PPP2R1A: variants seen among roughly 807,000 people sequenced by gnomAD.
PPP2R1A encodes serine/threonine-protein phosphatase 2A 65 kDa regulatory subunit A alpha isoform.
Under a neutral mutation model 67.1 loss-of-function variants are expected in PPP2R1A, and 15 were observed. The ratio of observed to expected loss-of-function variants is 0.22; its 90% CI spans 0.15 to 0.34. The LOEUF (loss-of-function observed/expected upper bound fraction) is 0.34, where lower values mean the gene tolerates loss of function less well. Ranked by LOEUF, PPP2R1A falls within the 10% of genes least tolerant of loss-of-function variation. PPP2R1A has a pLI of 1.00. For missense variants in PPP2R1A, 369 were observed against 775.0 expected, an observed-to-expected ratio of 0.48 and a Z score of 6.22; for synonymous variants, 337 against 325.0, an observed-to-expected ratio of 1.04 and a Z score of -0.40.
intron 2 of PPP2R1A, among the ~76,000 whole-genome samples, chr19:52,205,692 C>T (rs980374310): frequency 3.3e-5 from 5 of 152,168 alleles, no homozygotes; most frequent in African/African-American, 9.7e-5. Context: ...ATTTTACAGA[C>T]GCAGAAGCTG....
In PPP2R1A at chr19:52,190,307, T is replaced by G. The variant is rs770503253; in HGVS notation, c.78+133T>G. 1.1e-5 allele frequency: 12 copies of G among 1,080,164 alleles called. No homozygotes were observed. In the South Asian group the frequency reaches 1.8e-4, roughly 16 times the overall value. 66.9% of individuals were successfully genotyped at this position (1,080,164 alleles called of 1,614,324 possible). A position where few individuals can be genotyped will look rare whatever the true frequency, so the allele number is the denominator to read the frequency against. On this transcript the variant is annotated intron_variant, in intron 1 of 14. Transcript: ENST00000322088. ...ACGGCCAATCAGCGTGCGTCTCTTA[T>G]CTCCCCGGTTGCCCGGACTCCTTGA...
intron 9 of PPP2R1A, among the ~76,000 whole-genome samples, chr19:52,218,433 T>C (rs1284182827): frequency 6.6e-6 from 1 of 151,974 alleles, no homozygotes; most frequent in African/African-American, 2.4e-5. Flanking sequence ...ATTTTTAATA[T>C]TTTTTTGTTC....
At chr19:52,204,329 A>G (rs968192012) in intron 2 of PPP2R1A, among the ~76,000 whole-genome samples, 10 of 151,926 alleles carry the variant, frequency 6.6e-5, no homozygotes, top group African/African-American at 2.2e-4. Flanking sequence ...TTTACACCTG[A>G]AAGAGTCACT....
At chr19:52,190,409 T>C (rs1364079926) in intron 1 of PPP2R1A, 2 of 575,880 alleles carry the variant, frequency 3.5e-6, no homozygotes, top group Admixed American at 3.3e-5. Flanking sequence ...GGGCCTGCCC[T>C]GTGCGCGCGG....
At chr19:52,202,576 C>T (rs1053595675) in intron 2 of PPP2R1A, among the ~76,000 whole-genome samples, 1 of 152,086 alleles carries the variant, frequency 6.6e-6, no homozygotes, top group African/African-American at 2.4e-5. Context: ...TACTGCTGTC[C>T]CCATGTTATA....
chr19:52,206,358 G>A (rs1314114574), intron 3 of PPP2R1A, among the ~76,000 whole-genome samples: 1 of 152,158 alleles, frequency 6.6e-6, no homozygotes, highest in Non-Finnish European at 1.5e-5. Flanking sequence ...CTGCTTATTT[G>A]CTGTGTGACT....
At chr19:52,224,398 C>T (rs986064168) in intron 13 of PPP2R1A, among the ~76,000 whole-genome samples, 2 of 152,222 alleles carry the variant, frequency 1.3e-5, no homozygotes, top group Non-Finnish European at 2.9e-5. Flanking sequence ...GGAACTTCCC[C>T]TTGGGGCCAC....
chr19:52,194,584 G>A (rs2089482157), intron 1 of PPP2R1A, among the ~76,000 whole-genome samples: 1 of 151,980 alleles, frequency 6.6e-6, no homozygotes, highest in Non-Finnish European at 1.5e-5. Context: ...CAGGGGGGAA[G>A]TATGGTTACA....
rs1017824699 is a variant in PPP2R1A at position 52,226,646 on chromosome 19, G to A, written c.*665G>A. The A allele has an allele frequency of 6.1e-5, 11 of 179,186 alleles. No homozygotes were observed. The highest frequency in any genetic ancestry group is 1.9e-4 in the African/African-American group (8 of 42,348). 11.1% of individuals were successfully genotyped at this position (179,186 alleles called of 1,614,324 possible). On this transcript the variant is annotated 3_prime_UTR_variant, in exon 15 of 15. Transcript: ENST00000322088. Reference sequence around the variant, plus strand: ...AGTGCAGTTCAGATTCATAGATGTCGGCCGAGTATTTGGGGGGTTAAGAGC... The same window carrying A: ...AGTGCAGTTCAGATTCATAGATGTCAGCCGAGTATTTGGGGGGTTAAGAGC...
intron 1 of PPP2R1A, among the ~76,000 whole-genome samples, chr19:52,193,123 T>G (rs1397240150): frequency 6.6e-6 from 1 of 152,204 alleles, no homozygotes; most frequent in East Asian, 1.9e-4. Context: ...TTGAAGTAGG[T>G]CCTGTCCTTG....
At chr19:52,200,699 C>G in intron 1 of PPP2R1A, among the ~76,000 whole-genome samples, 1 of 152,222 alleles carries the variant, frequency 6.6e-6, no homozygotes, top group Non-Finnish European at 1.5e-5. Context: ...AGACCCATTC[C>G]ATGCCTCTCT....
Position 52,219,642 on chromosome 19 carries a change from G to A in PPP2R1A, c.1129-49G>A, listed in dbSNP as rs762954740. On this transcript the variant is annotated intron_variant, in intron 9 of 14. Transcript: ENST00000322088. The surrounding 1 kb of genome is among the most constrained non-coding windows in gnomAD (Gnocchi z 4.0). ...CTGAGCTCTTTCCATCCTGTCCTGG[G>A]TTGCTGTGTGCATTGCATTCTCTCA... The A allele has an allele frequency of 1.9e-6, 3 of 1,547,496 alleles. No individual in the cohort carries two copies. Among genetic ancestry groups the A allele is most frequent in the South Asian group, 2.4e-5 (2 of 84,692 alleles).
rs1281353283 is a variant in PPP2R1A at position 52,203,489 on chromosome 19, TC to T, written c.169+1456del. On this transcript the variant is annotated intron_variant, in intron 2 of 14. Coordinates refer to ENST00000322088, the MANE Select transcript of PPP2R1A (RefSeq NM_014225.6). ...GAAAACCTGAGTAGGTCACTCCACC[TC>T]TCTTAGCCTCATTTCCCTTGTCTGT... Among the ~76,000 whole-genome samples, 11 of 152,290 alleles carry T rather than the reference TC, an allele frequency of 7.2e-5. No individual in the cohort carries two copies. The East Asian group carries it at 1.7e-3, about 24-fold the overall frequency.
chr19:52,224,352 G>A (rs1236695570), intron 13 of PPP2R1A, among the ~76,000 whole-genome samples: 1 of 152,172 alleles, frequency 6.6e-6, no homozygotes, highest in Non-Finnish European at 1.5e-5. Flanking sequence ...CCCCATAGAT[G>A]AGAGTGGATG....
chr19:52,219,556 ACGGGG>A lies in PPP2R1A; in HGVS notation c.1129-134_1129-130del, dbSNP rs1421006291. On this transcript the variant is annotated intron_variant, in intron 9 of 14. Coordinates refer to ENST00000322088, the MANE Select transcript of PPP2R1A (RefSeq NM_014225.6). This position sits in a 1 kb window ranked among gnomAD's most constrained non-coding sequence, Gnocchi z 4.0. ...TGTGTGCCGTTAATGTGTTCCCAGA[ACGGGG>A]AGCTGGGCTTGGACAGGAGTAGTCC... is the stretch of plus-strand genomic sequence containing the variant. 1 of 849,528 alleles carries A rather than the reference ACGGGG, an allele frequency of 1.2e-6. No individual in the cohort carries two copies. The highest frequency in any genetic ancestry group is 1.7e-5 in the African/African-American group (1 of 58,804). The allele number at this position is 849,528 out of a possible 1,614,324, so 52.6% of individuals were successfully genotyped here. A position where few individuals can be genotyped will look rare whatever the true frequency, so the allele number is the denominator to read the frequency against.
chr19:52,197,367 C>T (rs1452382851), intron 1 of PPP2R1A, among the ~76,000 whole-genome samples: 1 of 152,004 alleles, frequency 6.6e-6, no homozygotes, highest in Non-Finnish European at 1.5e-5. Context: ...ACCACCCCAC[C>T]CCTCTACAAG....
chr19:52,219,281 A>C lies in PPP2R1A; in HGVS notation c.1129-410A>C, dbSNP rs1978773265. On this transcript the variant is annotated intron_variant, in intron 9 of 14. Transcript: ENST00000322088. This position sits in a 1 kb window ranked among gnomAD's most constrained non-coding sequence, Gnocchi z 4.0. The stretch of plus-strand genomic sequence containing the variant: ...TTATTTATTTATTTTTTTAGACTAA[A>C]ATAGTTTTAATAAGGAAATAGTTTT... 1.3e-5 allele frequency among the ~76,000 whole-genome samples: 2 copies of C among 152,150 alleles called. No individual in the cohort carries two copies. The highest frequency in any genetic ancestry group is 4.8e-5 in the African/African-American group (2 of 41,438).
Position 52,212,903 on chromosome 19 carries a change from A to G in PPP2R1A, c.652-52A>G, listed in dbSNP as rs2122336807. The G allele has an allele frequency of 5.1e-6, 8 of 1,566,642 alleles. No homozygotes were observed. Among genetic ancestry groups the G allele is most frequent in the Non-Finnish European group, 6.1e-6 (7 of 1,154,922 alleles). On this transcript the variant is annotated intron_variant, in intron 5 of 14. Transcript: ENST00000322088. This position sits in a 1 kb window ranked among gnomAD's most constrained non-coding sequence, Gnocchi z 4.1. The stretch of plus-strand genomic sequence containing the variant: ...GTTCCTGCCCATGAAAGAGAATCCC[A>G]GAGCTCAGCAAGGCCTCTGCTGCCC...
intron 6 of PPP2R1A, among the ~76,000 whole-genome samples, chr19:52,214,760 T>A (rs1978463711): frequency 6.6e-6 from 1 of 150,638 alleles, no homozygotes; most frequent in Admixed American, 6.6e-5. Flanking sequence ...AGAGTCTCAG[T>A]CTTTTGCCCA....
Sources: allele counts gnomAD v4.1 joint callset (sites outside exome capture counted in the v4.1 genomes callset), GRCh38; gene constraint gnomAD v4.1.1; non-coding constraint Gnocchi (gnomAD v3.1); transcripts MANE v1.5; gene names NCBI Gene and HGNC (gene_info 2026-07-23, HGNC 2026-07-21).